Variants in LRRTM4 observed in about 807,000 individuals in gnomAD.
LRRTM4 encodes leucine-rich repeat transmembrane neuronal protein 4.
Under a neutral mutation model 47.6 loss-of-function variants are expected in LRRTM4, and 25 were observed. The ratio of observed to expected loss-of-function variants is 0.53; its 90% CI spans 0.38 to 0.73. The LOEUF is 0.73. Ranked by LOEUF, LRRTM4 falls within the 30% of genes least tolerant of loss-of-function variation. LRRTM4 has a pLI of 0.00. For synonymous variants in LRRTM4, 311 were observed against 269.5 expected, an observed-to-expected ratio of 1.15 and a Z score of -1.51; for missense variants, 638 against 713.4, an observed-to-expected ratio of 0.89 and a Z score of 1.20.
intron 3 of LRRTM4, among the ~76,000 whole-genome samples, chr2:76,850,753 C>T (rs551100196): frequency 6.6e-6 from 1 of 152,136 alleles, no homozygotes; most frequent in South Asian, 2.1e-4. Flanking sequence ...GCACCTGATC[C>T]AATATAATAT....
chr2:77,487,094 A>G (rs1327314288), intron 3 of LRRTM4, among the ~76,000 whole-genome samples: 1 of 152,202 alleles, frequency 6.6e-6, no homozygotes, highest in African/African-American at 2.4e-5. Flanking sequence ...CAGCTGCTGC[A>G]AAGACACCGG....
At chr2:77,228,815 A>T (rs1025468768) in intron 3 of LRRTM4, among the ~76,000 whole-genome samples, 3 of 152,214 alleles carry the variant, frequency 2.0e-5, no homozygotes, top group African/African-American at 7.2e-5. Context: ...CACATGGTAT[A>T]TAATATTCAC....
At chr2:76,841,881 T>C (rs1046672622) in intron 3 of LRRTM4, among the ~76,000 whole-genome samples, 1 of 152,080 alleles carries the variant, frequency 6.6e-6, no homozygotes. Flanking sequence ...CTGAAAAAAC[T>C]AGAGAGGAAG....
At chr2:77,458,644 T>G (rs112695255) in intron 3 of LRRTM4, among the ~76,000 whole-genome samples, 49 of 152,076 alleles carry the variant, frequency 3.2e-4, no homozygotes, top group African/African-American at 1.0e-3. Context: ...ATAGTACAGT[T>G]GCCACACCTT....
intron 3 of LRRTM4, among the ~76,000 whole-genome samples, chr2:76,765,078 G>T (rs1055333383): frequency 5.3e-5 from 8 of 152,158 alleles, no homozygotes; most frequent in African/African-American, 1.9e-4. Context: ...AGCCAAAAAA[G>T]ATTATTTTTG....
chr2:77,514,887 C>T (rs950200855), intron 3 of LRRTM4, among the ~76,000 whole-genome samples: 1 of 151,886 alleles, frequency 6.6e-6, no homozygotes, highest in African/African-American at 2.4e-5. Flanking sequence ...AATTGATATA[C>T]AGAATGAAGC....
chr2:77,458,148 A>C (rs145471326), intron 3 of LRRTM4, among the ~76,000 whole-genome samples: 1 of 152,138 alleles, frequency 6.6e-6, no homozygotes, highest in Non-Finnish European at 1.5e-5. Context: ...ACAGTCAATA[A>C]TTATTTTTCA....
chr2:77,516,954 G>C (rs2104118932), intron 3 of LRRTM4: 1 of 984,734 alleles, frequency 1.0e-6, no homozygotes, highest in Middle Eastern at 5.2e-4. Flanking sequence ...CTGTTAACTA[G>C]CATTAGAAAG....
chr2:76,836,621 A>T (rs1244697143), intron 3 of LRRTM4, among the ~76,000 whole-genome samples: 2 of 152,052 alleles, frequency 1.3e-5, no homozygotes, highest in Non-Finnish European at 2.9e-5. Flanking sequence ...CTTTATGTAA[A>T]TATCACTTAA....
At chr2:76,814,278 G>A (rs1332792728) in intron 3 of LRRTM4, among the ~76,000 whole-genome samples, 1 of 152,118 alleles carries the variant, frequency 6.6e-6, no homozygotes, top group Non-Finnish European at 1.5e-5. Context: ...GCTGTGAAAT[G>A]TGTTTGCGTT....
intron 3 of LRRTM4, among the ~76,000 whole-genome samples, chr2:77,479,299 G>A (rs923309273): frequency 6.6e-6 from 1 of 152,146 alleles, no homozygotes; most frequent in African/African-American, 2.4e-5. Context: ...TTATATGAAA[G>A]TAAATGTGAA....
intron 3 of LRRTM4, among the ~76,000 whole-genome samples, chr2:76,808,182 G>C (rs545729824): frequency 2.1e-4 from 32 of 151,556 alleles, no homozygotes; most frequent in African/African-American, 7.0e-4. Context: ...CACGACGCCA[G>C]GCTAATTTTG....
intron 3 of LRRTM4, among the ~76,000 whole-genome samples, chr2:76,795,935 T>C (rs1188123236): frequency 1.3e-5 from 2 of 151,126 alleles, no homozygotes; most frequent in African/African-American, 4.9e-5. Flanking sequence ...TGCCAGACAG[T>C]GGGCGCAGGT....
At chr2:77,028,751 G>T (rs78833115) in intron 3 of LRRTM4, among the ~76,000 whole-genome samples, 2,058 of 151,770 alleles carry the variant, frequency 0.014, 43 homozygotes, top group East Asian at 0.07. Flanking sequence ...ATATTCATTA[G>T]CAGGCCTGGC....
intron 3 of LRRTM4, among the ~76,000 whole-genome samples, chr2:76,880,060 T>C (rs1025164199): frequency 6.6e-6 from 1 of 152,250 alleles, no homozygotes; most frequent in Admixed American, 6.5e-5. Flanking sequence ...GAATCTACTC[T>C]TGGTGAAGAT....
At chr2:77,005,827 G>A (rs1386194506) in intron 3 of LRRTM4, among the ~76,000 whole-genome samples, 1 of 152,152 alleles carries the variant, frequency 6.6e-6, no homozygotes, top group Non-Finnish European at 1.5e-5. Context: ...GTGTTTATTA[G>A]CAGTGTGAGA....
intron 3 of LRRTM4, among the ~76,000 whole-genome samples, chr2:77,117,790 A>G (rs917140000): frequency 6.6e-6 from 1 of 151,920 alleles, no homozygotes; most frequent in African/African-American, 2.4e-5. Flanking sequence ...ATTTACTCAG[A>G]CATCCTAAAA....
At chr2:77,449,033 TCCTAAC>T (rs1204887337) in intron 3 of LRRTM4, among the ~76,000 whole-genome samples, 2 of 152,188 alleles carry the variant, frequency 1.3e-5, no homozygotes, top group African/African-American at 4.8e-5. Flanking sequence ...GCATCATGAT[TCCTAAC>T]ATAAGGAATA....
chr2:77,408,611 T>C (rs1172853877), intron 3 of LRRTM4, among the ~76,000 whole-genome samples: 3 of 152,228 alleles, frequency 2.0e-5, no homozygotes, highest in Non-Finnish European at 2.9e-5. Flanking sequence ...CTGACTGCTA[T>C]GTTCATCCAC....
Sources: allele counts gnomAD v4.1 joint callset (sites outside exome capture counted in the v4.1 genomes callset), GRCh38; gene constraint gnomAD v4.1.1; transcripts MANE v1.5; gene names NCBI Gene and HGNC (gene_info 2026-07-23, HGNC 2026-07-21).